SLITRK6: variants seen among roughly 807,000 people sequenced by gnomAD.
The protein encoded by SLITRK6 is SLIT and NTRK-like protein 6.
Under a neutral mutation model 55.6 loss-of-function variants are expected in SLITRK6, and 35 were observed. That is an observed-to-expected ratio of 0.63 (90% CI 0.48 to 0.83). The LOEUF (loss-of-function observed/expected upper bound fraction) is 0.83. SLITRK6 is among the 40% of genes least tolerant of loss of function. The probability of loss-of-function intolerance (pLI) is 0.00; values close to 1 mark genes in which losing one functional copy is unlikely to be tolerated. For synonymous variants in SLITRK6, 392 were observed against 359.6 expected (o/e 1.09, Z -1.02); for missense variants, 977 against 986.4 (o/e 0.99, Z 0.13).
At chr13:85,798,402 C>T (rs539038369) in intron 1 of SLITRK6, among the ~76,000 whole-genome samples, 6 of 151,890 alleles carry the variant, frequency 4.0e-5, no homozygotes, top group Non-Finnish European at 8.8e-5. Flanking sequence ...TCAAAACGTG[C>T]TAGGAAACAG....
chr13:85,793,563 T>C lies in SLITRK6; in HGVS notation c.*420A>G, dbSNP rs1166896373. The C allele has an allele frequency of 6.4e-6, 1 of 157,066 alleles. No individual in the cohort carries two copies. The highest frequency in any genetic ancestry group is 2.4e-5 in the African/African-American group (1 of 41,542). 9.7% of individuals were successfully genotyped at this position (157,066 alleles called of 1,614,324 possible). A position where few individuals can be genotyped will look rare whatever the true frequency, so the allele number is the denominator to read the frequency against. ...AAGTACATACTGGTTATAAACAATG[T>C]ATTCCTTACATATTATAACTACATA... On this transcript the variant is annotated 3_prime_UTR_variant, in exon 2 of 2. Coordinates refer to ENST00000647374, the MANE Select transcript of SLITRK6 (RefSeq NM_032229.3).
chr13:85,796,456 A>T lies in SLITRK6; in HGVS notation c.53T>A (p.Leu18Ter). Residue 18 changes from leucine to a stop codon, truncating the protein, a stop_gained, in exon 2 of 2, where the codon TTA (leucine) becomes TAA (stop). Coordinates refer to ENST00000647374, the MANE Select transcript of SLITRK6 (RefSeq NM_032229.3). LOFTEE classifies it high-confidence loss of function. ...FYSSLLACISLHSQTPVLSSR... is the reference protein window; with the variant it reads ...FYSSLLACIS ...TGAGAGCACTGGAGTTTGGGAGTGTAAAGATATACAGGCAAGGAGAGATGA... is the reference window on the plus strand; with the variant it reads ...TGAGAGCACTGGAGTTTGGGAGTGTTAAGATATACAGGCAAGGAGAGATGA... 1 of 1,599,384 alleles carries T rather than the reference A, an allele frequency of 6.3e-7. No homozygotes were observed. Among genetic ancestry groups the T allele is most frequent in the Non-Finnish European group, 8.5e-7 (1 of 1,174,890 alleles).
intron 1 of SLITRK6, among the ~76,000 whole-genome samples, chr13:85,796,931 A>G (rs1402508271): frequency 6.6e-6 from 1 of 151,772 alleles, no homozygotes; most frequent in African/African-American, 2.4e-5. Context: ...TCATACATTT[A>G]AGGCTGGAGG....
At position 85,794,166 on chromosome 13, in the gene SLITRK6, C is replaced by T; in HGVS notation, c.2343G>A (p.Gln781=). 1 of 1,612,946 alleles carries T rather than the reference C, an allele frequency of 6.2e-7. No individual in the cohort carries two copies. The highest frequency in any genetic ancestry group is 8.5e-7 in the Non-Finnish European group (1 of 1,179,424). The change falls in exon 2 of 2, where the codon CAG becomes CAA. Residue 781 remains glutamine (Q), a synonymous_variant. Coordinates refer to ENST00000647374, the MANE Select transcript of SLITRK6 (RefSeq NM_032229.3). ...ITEYLRKNIA[Q]LQPDMEAHYP... is the part of the protein sequence containing the mutation. Reference sequence around the variant, plus strand: ...AATGTGCCTCCATATCAGGCTGGAGCTGAGCAATGTTTTTCCTTAGGTATT... The same window carrying T: ...AATGTGCCTCCATATCAGGCTGGAGTTGAGCAATGTTTTTCCTTAGGTATT...
Position 85,795,460 on chromosome 13 carries a change from C to T in SLITRK6, c.1049G>A (p.Arg350His), listed in dbSNP as rs1208914688. The T allele has an allele frequency of 6.8e-6, 11 of 1,612,924 alleles. No individual in the cohort carries two copies. The East Asian group carries it at 1.3e-4, about 20-fold the overall frequency. Reference protein sequence around the residue: ...PSGLLIHCQERNIESLSDLRP... With the variant: ...PSGLLIHCQEHNIESLSDLRP... ...CAGATCTGATAAGCTTTCAATGTTGCGCTCCTGACAATGTATTAGAAGTCC... is the reference window on the plus strand; with the variant it reads ...CAGATCTGATAAGCTTTCAATGTTGTGCTCCTGACAATGTATTAGAAGTCC... Residue 350 changes from arginine to histidine, a missense_variant, in exon 2 of 2, where the codon CGC becomes CAC. Arg to His is a conservative substitution (Grantham distance 29, BLOSUM62 0). Coordinates refer to ENST00000647374, the MANE Select transcript of SLITRK6 (RefSeq NM_032229.3).
chr13:85,797,151 C>CTATATATATATATATATATATATA (rs10694306), intron 1 of SLITRK6, among the ~76,000 whole-genome samples: 1 of 145,146 alleles, frequency 6.9e-6, no homozygotes, highest in African/African-American at 2.5e-5. Flanking sequence ...TCGGTTTTGG[C>CTATATATATATATATATATATATA]TATATATATA....
At position 85,794,582 on chromosome 13, in the gene SLITRK6, GT is replaced by G; in HGVS notation, c.1926del (p.Lys642AsnfsTer3). ...TTGTCTCTCATTTGCTCATCTACTTGTTTCTTTTTGTATCTTCTCCTGCGGT... is the reference window on the plus strand; with the variant it reads ...TTGTCTCTCATTTGCTCATCTACTTGTTCTTTTTGTATCTTCTCCTGCGGT... ...VLHRRRRYKK[K>X]QVDEQMRDNS... On this transcript the variant is annotated frameshift_variant, in exon 2 of 2. Coordinates refer to ENST00000647374, the MANE Select transcript of SLITRK6 (RefSeq NM_032229.3). LOFTEE classifies it high-confidence loss of function. 6.2e-7 allele frequency: 1 copy of G among 1,613,122 alleles called. No homozygotes were observed. Among genetic ancestry groups the G allele is most frequent in the Non-Finnish European group, 8.5e-7 (1 of 1,179,530 alleles).
intron 1 of SLITRK6, among the ~76,000 whole-genome samples, chr13:85,797,880 C>T (rs1283282329): frequency 6.6e-6 from 1 of 151,794 alleles, no homozygotes; most frequent in East Asian, 1.9e-4. Context: ...AATATAAACA[C>T]ATCTTATGAC....
At position 85,795,849 on chromosome 13, in the gene SLITRK6, C is replaced by G. The variant is rs1037227092; in HGVS notation, c.660G>C (p.Trp220Cys). 1 of 1,612,992 alleles carries G rather than the reference C, an allele frequency of 6.2e-7. No homozygotes were observed. Among genetic ancestry groups the G allele is most frequent in the Non-Finnish European group, 8.5e-7 (1 of 1,179,450 alleles). ...ACTGCAATAAGTCACAATTGCAGGC[C>G]CATTTGTTGTCCTCCAACTGAAGAT... ...ILDLQLEDNK[W>C]ACNCDLLQLK... Residue 220 changes from tryptophan to cysteine, a missense_variant, in exon 2 of 2, where the codon TGG becomes TGC. Transcript: ENST00000647374.
intron 1 of SLITRK6, among the ~76,000 whole-genome samples, chr13:85,798,643 C>T (rs978175702): frequency 1.3e-5 from 2 of 151,994 alleles, no homozygotes; most frequent in Non-Finnish European, 2.9e-5. Flanking sequence ...AGAAAGCACA[C>T]ATATTTAGTT....
In SLITRK6 at chr13:85,796,173, G is replaced by C. The variant is rs1488945601; in HGVS notation, c.336C>G (p.Gly112=). The C allele has an allele frequency of 6.2e-7, 1 of 1,613,000 alleles. No homozygotes were observed. The highest frequency in any genetic ancestry group is 2.2e-5 in the East Asian group (1 of 44,824). Residue 112 remains glycine (G), a synonymous_variant, in exon 2 of 2, where the codon GGC becomes GGG. Transcript: ENST00000647374. ...GATTGATATGAAGTTGTTTCAGGAG[G>C]CCAAGGCCATTAAATGCACCTATCT... is the stretch of plus-strand genomic sequence containing the variant. The part of the protein sequence containing the change: ...DIEIGAFNGL[G]LLKQLHINHN...
At position 85,793,904 on chromosome 13, in the gene SLITRK6, T is replaced by A. The variant is rs947806560; in HGVS notation, c.*79A>T. 1.6e-5 allele frequency: 24 copies of A among 1,470,848 alleles called. No homozygotes were observed. Among genetic ancestry groups the A allele is most frequent in the Non-Finnish European group, 2.2e-5 (24 of 1,101,186 alleles). 91.1% of individuals were successfully genotyped at this position (1,470,848 alleles called of 1,614,324 possible). ...GCTTAGGTTCTGATTGATGACACAC[T>A]CACGTAAGGCACTTATTTACAAGGT... On this transcript the variant is annotated 3_prime_UTR_variant, in exon 2 of 2. Coordinates refer to ENST00000647374, the MANE Select transcript of SLITRK6 (RefSeq NM_032229.3).
chr13:85,795,344 A>G lies in SLITRK6; in HGVS notation c.1165T>C (p.Leu389=). Residue 389 remains leucine (L), a synonymous_variant, in exon 2 of 2, where the codon TTG becomes CTG. Coordinates refer to ENST00000647374, the MANE Select transcript of SLITRK6 (RefSeq NM_032229.3). ...TTGTTTCCCAAGTGAAGCATTTCCA[A>G]AGTGAAATATTCCACTAGATCAGAC... ...MKSDLVEYFT[L]EMLHLGNNRI... 2.5e-6 allele frequency: 4 copies of G among 1,612,790 alleles called. No individual in the cohort carries two copies. The highest frequency in any genetic ancestry group is 3.4e-6 in the Non-Finnish European group (4 of 1,179,378).
rs1255424726 is a variant in SLITRK6 at position 85,799,283 on chromosome 13, T to C, written c.-394A>G. ...AACAAGATGTTTAACAGAGCTGAGA[T>C]TGATCACTCTTGCTTTCTTAGGTTG... On this transcript the variant is annotated 5_prime_UTR_variant, in exon 1 of 2. Transcript: ENST00000647374. 6.6e-6 allele frequency: 1 copy of C among 152,068 alleles called. No individual in the cohort carries two copies. The highest frequency in any genetic ancestry group is 1.5e-5 in the Non-Finnish European group (1 of 68,018). The allele number at this position is 152,068 out of a possible 1,614,324, so 9.4% of individuals were successfully genotyped here.
chr13:85,795,103 T>A lies in SLITRK6; in HGVS notation c.1406A>T (p.Asn469Ile). ...PKLKVLYLNN[N>I]LLQVLPPHIF... ...ATGTGGTGGTAAAACTTGGAGGAGGTTGTTATTTAAATACAGGACTTTAAG... is the reference window on the plus strand; with the variant it reads ...ATGTGGTGGTAAAACTTGGAGGAGGATGTTATTTAAATACAGGACTTTAAG... The change falls in exon 2 of 2, where the codon AAC becomes ATC. Residue 469 changes from asparagine to isoleucine, a missense_variant. Transcript: ENST00000647374. 1.2e-6 allele frequency: 2 copies of A among 1,612,942 alleles called. No individual in the cohort carries two copies. Among genetic ancestry groups the A allele is most frequent in the Non-Finnish European group, 1.7e-6 (2 of 1,179,378 alleles).
chr13:85,796,629 G>A, intron 1 of SLITRK6, 97 bp from the exon 2 acceptor site: 1 of 958,990 alleles, frequency 1.0e-6, no homozygotes, highest in Non-Finnish European at 1.4e-6. Context: ...TCTCCAAAAA[G>A]CAAATGACGG....
intron 1 of SLITRK6, among the ~76,000 whole-genome samples, chr13:85,797,406 G>C (rs1431519991): frequency 3.3e-5 from 5 of 151,610 alleles, no homozygotes; most frequent in Non-Finnish European, 5.9e-5. Context: ...CGTTATAGAT[G>C]AGGTGGAAAT....
In SLITRK6 at chr13:85,795,300, T is replaced by C. The variant is rs2137169326; in HGVS notation, c.1209A>G (p.Glu403=). 3.1e-6 allele frequency: 5 copies of C among 1,612,808 alleles called. No homozygotes were observed. The highest frequency in any genetic ancestry group is 2.2e-5 in the East Asian group (1 of 44,782). The change falls in exon 2 of 2, where the codon GAA becomes GAG. Residue 403 remains glutamate (E), a synonymous_variant. Transcript: ENST00000647374. ...TCGTTAGGTTCATAAACGATCCTTCTTCAAGAACTTCAATACGATTGTTTC... is the reference window on the plus strand; with the variant it reads ...TCGTTAGGTTCATAAACGATCCTTCCTCAAGAACTTCAATACGATTGTTTC... ...HLGNNRIEVL[E]EGSFMNLTRL... is the part of the protein sequence containing the mutation.
chr13:85,793,713 A>G lies in SLITRK6; in HGVS notation c.*270T>C. The stretch of plus-strand genomic sequence containing the variant: ...ATGTGCAAGAGGACTCCTATGAGAC[A>G]CTTTTCAGTATATGAAATATTACTA... On this transcript the variant is annotated 3_prime_UTR_variant, in exon 2 of 2. Coordinates refer to ENST00000647374, the MANE Select transcript of SLITRK6 (RefSeq NM_032229.3). 3.2e-6 allele frequency: 1 copy of G among 317,206 alleles called. No individual in the cohort carries two copies. The highest frequency in any genetic ancestry group is 5.7e-6 in the Non-Finnish European group (1 of 174,182). 19.6% of individuals were successfully genotyped at this position (317,206 alleles called of 1,614,324 possible).
Sources: allele counts gnomAD v4.1 joint callset (sites outside exome capture counted in the v4.1 genomes callset), GRCh38; gene constraint gnomAD v4.1.1; transcripts MANE v1.5; gene names NCBI Gene and HGNC (gene_info 2026-07-23, HGNC 2026-07-21).